DST: variants seen among roughly 807,000 people sequenced by gnomAD.
DST encodes bullous pemphigoid antigen.
In DST, 253 loss-of-function variants were observed where a neutral mutation model predicts 875.2. The ratio of observed to expected loss-of-function variants is 0.29; its 90% CI spans 0.26 to 0.32. The LOEUF is 0.32. Among genes scored for constraint, DST ranks in the 10% least tolerant of loss-of-function variants. The pLI, the probability that DST is intolerant of heterozygous loss-of-function variation, is 1.00. For missense variants in DST, 8,287 were observed against 9,111.6 expected (o/e 0.91, Z 3.68); for synonymous variants, 3,124 against 3,197.1 (o/e 0.98, Z 0.77).
intron 4 of DST, among the ~76,000 whole-genome samples, chr6:56,754,686 T>G (rs2099597294): frequency 6.6e-6 from 1 of 152,016 alleles, no homozygotes; most frequent in African/African-American, 2.4e-5. Context: ...ACAAATCAAC[T>G]CTTAAAAAAA....
At chr6:56,565,628 C>G (rs2097661280) in intron 55 of DST, among the ~76,000 whole-genome samples, 1 of 152,188 alleles carries the variant, frequency 6.6e-6, no homozygotes. Flanking sequence ...TATGAGATGT[C>G]TGTCGACCCC....
chr6:56,479,751 A>G (rs2095338153), intron 90 of DST, among the ~76,000 whole-genome samples: 1 of 152,222 alleles, frequency 6.6e-6, no homozygotes. Flanking sequence ...AAAGATGGAA[A>G]TAATAGACAC....
At chr6:56,576,709 C>T (rs1223895400) in intron 50 of DST, among the ~76,000 whole-genome samples, 2 of 151,890 alleles carry the variant, frequency 1.3e-5, no homozygotes, top group East Asian at 1.9e-4. Context: ...GGGTAGAGCC[C>T]GTGTGAATGG....
intron 72 of DST, among the ~76,000 whole-genome samples, chr6:56,514,783 A>T (rs2096558124): frequency 6.6e-6 from 1 of 152,144 alleles, no homozygotes; most frequent in Non-Finnish European, 1.5e-5. Flanking sequence ...ATTTTAAGCC[A>T]TATTAACAAT....
chr6:56,585,232 T>C (rs1197431616), intron 49 of DST, among the ~76,000 whole-genome samples: 1 of 151,252 alleles, frequency 6.6e-6, no homozygotes, highest in African/African-American at 2.4e-5. Context: ...CCTGGACTCT[T>C]TTTCGTTGGT....
intron 69 of DST, among the ~76,000 whole-genome samples, chr6:56,519,652 T>C (rs1208657729): frequency 6.6e-6 from 1 of 152,064 alleles, no homozygotes; most frequent in East Asian, 1.9e-4. Flanking sequence ...AGAGACCACA[T>C]AGGGAGCTGG....
chr6:56,704,155 G>A (rs1370864691), intron 6 of DST, 125 bp downstream of exon 6: 6 of 484,622 alleles, frequency 1.2e-5, no homozygotes, highest in African/African-American at 1.2e-4. Flanking sequence ...TTCTTTTTCA[G>A]GCAGAATTCA....
At chr6:56,951,188 ACTT>A (rs1363700146) in intron 2 of DST, among the ~76,000 whole-genome samples, 2 of 152,210 alleles carry the variant, frequency 1.3e-5, no homozygotes, top group African/African-American at 4.8e-5. Flanking sequence ...TACTCACTGA[ACTT>A]CTTCATCTGT....
chr6:56,771,759 C>T (rs529519031), intron 4 of DST, among the ~76,000 whole-genome samples: 65 of 152,314 alleles, frequency 4.3e-4, no homozygotes, highest in African/African-American at 1.3e-3. Flanking sequence ...TCATAGCTCT[C>T]TGCAAGAATC....
chr6:56,592,394 AACCC>A, intron 48 of DST, 36 bp from the exon 49 acceptor site: 1 of 1,510,162 alleles, frequency 6.6e-7, no homozygotes, highest in Admixed American at 2.0e-5. Flanking sequence ...AGGAGATTAA[AACCC>A]ACTATTTTCA....
intron 5 of DST, among the ~76,000 whole-genome samples, chr6:56,729,100 T>C (rs1169749580): frequency 1.3e-5 from 2 of 152,164 alleles, no homozygotes; most frequent in African/African-American, 4.8e-5. Flanking sequence ...GTGTTCCTTG[T>C]ACTACTTTAT....
At chr6:56,676,756 T>C (rs949759524) in intron 9 of DST, among the ~76,000 whole-genome samples, 1 of 149,584 alleles carries the variant, frequency 6.7e-6, no homozygotes, top group Non-Finnish European at 1.5e-5. Context: ...CTGGAGGGAA[T>C]GTTAAGCAAA....
At chr6:56,777,860 T>A (rs1453565264) in intron 4 of DST, among the ~76,000 whole-genome samples, 2 of 151,950 alleles carry the variant, frequency 1.3e-5, no homozygotes. Flanking sequence ...CACACCTGGA[T>A]AATTTGGGGG....
At chr6:56,546,386 ATAT>A (rs1562696113) in intron 61 of DST, among the ~76,000 whole-genome samples, 62 of 121,724 alleles carry the variant, frequency 5.1e-4, no homozygotes, top group African/African-American at 1.8e-3. Context: ...ATATATATAT[ATAT>A]AAATGTCAAA....
intron 69 of DST, among the ~76,000 whole-genome samples, chr6:56,521,674 T>G (rs994612756): frequency 2.7e-5 from 4 of 150,044 alleles, no homozygotes; most frequent in Non-Finnish European, 4.4e-5. Context: ...CTTTTAAAAT[T>G]AAATTATCAA....
intron 10 of DST, among the ~76,000 whole-genome samples, chr6:56,654,496 A>C (rs2098993073): frequency 6.6e-6 from 1 of 151,898 alleles, no homozygotes; most frequent in East Asian, 1.9e-4. Flanking sequence ...GTATAGAAAA[A>C]TGCTATTGTC....
Position 56,557,376 on chromosome 6 carries a change from AACACTG to A in DST, c.14577_14582del (p.Ser4860_Val4861del). 6.2e-7 allele frequency: 1 copy of A among 1,613,746 alleles called. No homozygotes were observed. The highest frequency in any genetic ancestry group is 2.2e-5 in the East Asian group (1 of 44,870). ...TTGGGTCAATTGACAAGGGCCCAAGAACACTGACCATAAGTTCTTTTTCCACAAGCC... is the reference window on the plus strand; with the variant it reads ...TTGGGTCAATTGACAAGGGCCCAAGAACCATAAGTTCTTTTTCCACAAGCC... On this transcript the variant is annotated inframe_deletion, in exon 59 of 104. Transcript: ENST00000680361.
At position 56,605,648 on chromosome 6, in the gene DST, G is replaced by A. The variant is rs766359364; in HGVS notation, c.8980C>T (p.Leu2994Phe). Reference protein sequence around the residue: ...KNMTPKVDSSLDHIICTEPDL... With the variant: ...KNMTPKVDSSFDHIICTEPDL... ...GGCTCAGTACAAATGATGTGATCAA[G>A]AGATGAGTCAACTTTTGGTGTCATA... Residue 2994 changes from leucine (L) to phenylalanine (F), a missense_variant, in exon 40 of 104, where the codon CTT becomes TTT. Leu to Phe is a conservative substitution (Grantham distance 22). This residue lies in a region of DST where 3,138 missense variants were observed against 3,116.6 expected (regional missense o/e 1.01). Coordinates refer to ENST00000680361, the MANE Select transcript of DST (RefSeq NM_001374736.1). 6.2e-7 allele frequency: 1 copy of A among 1,612,912 alleles called. No homozygotes were observed. Among genetic ancestry groups the A allele is most frequent in the South Asian group, 1.1e-5 (1 of 91,050 alleles).
rs570715445 is a variant in DST at position 56,709,352 on chromosome 6, C to T, written c.688-4983G>A. ...TGGAGTGAGAACACATTAGCTCATG[C>T]CAGGTCTGTATTACCTAAATGGCTT... On this transcript the variant is annotated intron_variant, in intron 5 of 103. Coordinates refer to ENST00000680361, the MANE Select transcript of DST (RefSeq NM_001374736.1). 6.0e-4 allele frequency among the ~76,000 whole-genome samples: 91 copies of T among 152,282 alleles called. 5 individuals are homozygous for T. In the South Asian group the frequency reaches 0.019, roughly 31 times the overall value.
Sources: gnomAD v4.1 joint callset for allele counts (sites outside exome capture counted in the v4.1 genomes callset) on GRCh38, gnomAD v4.1.1 for gene constraint, gnomAD v4.1.1 regional missense constraint, MANE v1.5 for transcripts, NCBI Gene and HGNC (gene_info 2026-07-23, HGNC 2026-07-21) for gene names.